PGM5: variants seen among roughly 807,000 people sequenced by gnomAD.
The protein encoded by PGM5 is phosphoglucomutase 5.
PGM5 carries 23 observed loss-of-function variants against 59.2 expected under a neutral mutation model. The ratio of observed to expected loss-of-function variants is 0.39; its 90% CI spans 0.28 to 0.55. The LOEUF (loss-of-function observed/expected upper bound fraction) is 0.55. Among genes scored for constraint, PGM5 ranks in the 20% least tolerant of loss-of-function variants. PGM5 has a pLI of 0.66. For synonymous variants in PGM5, 214 were observed against 286.0 expected, an observed-to-expected ratio of 0.75 and a Z score of 2.54; for missense variants, 574 against 748.3, an observed-to-expected ratio of 0.77 and a Z score of 2.72.
intron 10 of PGM5, among the ~76,000 whole-genome samples, chr9:68,500,562 G>A (rs1438098166): frequency 2.0e-5 from 3 of 152,180 alleles, no homozygotes; most frequent in African/African-American, 7.2e-5. Context: ...TTTCCATGCA[G>A]GGGATGGGAC....
intron 6 of PGM5, among the ~76,000 whole-genome samples, chr9:68,460,645 T>A (rs1823845284): frequency 6.6e-6 from 1 of 152,190 alleles, no homozygotes; most frequent in Admixed American, 6.5e-5. Context: ...TAAAGAAAGC[T>A]ACAAGAGTCA....
intron 6 of PGM5, among the ~76,000 whole-genome samples, chr9:68,438,551 T>TTCA (rs762572661): frequency 1.5e-4 from 23 of 152,266 alleles, no homozygotes; most frequent in East Asian, 1.3e-3. Flanking sequence ...GTAAGCACAC[T>TTCA]TCATCCACGG....
chr9:68,467,666 A>T (rs534848271), intron 7 of PGM5, among the ~76,000 whole-genome samples: 1 of 152,236 alleles, frequency 6.6e-6, no homozygotes, highest in South Asian at 2.1e-4. Context: ...GTCTCTTTTA[A>T]TCTACGTTTC....
intron 6 of PGM5, among the ~76,000 whole-genome samples, chr9:68,420,700 A>G (rs540755691): frequency 6.6e-5 from 10 of 152,214 alleles, no homozygotes; most frequent in African/African-American, 2.4e-4. Context: ...TACTGTGCAC[A>G]CCCATGACCT....
intron 6 of PGM5, among the ~76,000 whole-genome samples, chr9:68,450,162 G>T (rs1823673315): frequency 6.6e-6 from 1 of 152,124 alleles, no homozygotes; most frequent in Non-Finnish European, 1.5e-5. Context: ...ATATACAATT[G>T]CATATGTTAA....
intron 7 of PGM5, among the ~76,000 whole-genome samples, chr9:68,468,658 T>A (rs1321047794): frequency 6.6e-6 from 1 of 152,278 alleles, no homozygotes; most frequent in East Asian, 1.9e-4. Context: ...CTATCCTCAT[T>A]TTCCCCCTCC....
intron 6 of PGM5, among the ~76,000 whole-genome samples, chr9:68,393,472 G>A (rs567808518): frequency 1.1e-4 from 17 of 152,136 alleles, no homozygotes; most frequent in African/African-American, 4.1e-4. Flanking sequence ...TTGGCCGGGC[G>A]TGGCGACTCA....
At chr9:68,434,654 AGTTTGGCTGGGTG>A (rs1823416413) in intron 6 of PGM5, among the ~76,000 whole-genome samples, 1 of 152,134 alleles carries the variant, frequency 6.6e-6, no homozygotes, top group Non-Finnish European at 1.5e-5. Flanking sequence ...AAAAACACAA[AGTTTGGCTGGGTG>A]TGCTGGCAGG....
intron 7 of PGM5, among the ~76,000 whole-genome samples, chr9:68,474,290 T>C (rs557938486): frequency 4.6e-5 from 7 of 152,334 alleles, no homozygotes; most frequent in African/African-American, 1.2e-4. Context: ...GTTTTCCTAA[T>C]TGACAAATTT....
Position 68,387,479 on chromosome 9 carries a change from A to G in PGM5, c.588A>G (p.Pro196=). The G allele has an allele frequency of 1.2e-6, 2 of 1,610,708 alleles. No individual in the cohort carries two copies. The highest frequency in any genetic ancestry group is 2.2e-5 in the East Asian group (1 of 44,828). Residue 196 remains proline, a synonymous_variant, in exon 4 of 11, where the codon CCA becomes CCG. Coordinates refer to ENST00000396396, the MANE Select transcript of PGM5 (RefSeq NM_021965.4). ...TATCTTTAGTGGAGATAGTGGACCC[A>G]GTGGATATCTATCTTAACCTCCTTC... ...FKPFRVEIVD[P]VDIYLNLLRT... is the part of the protein sequence containing the mutation.
chr9:68,516,970 C>T (rs1824833794), intron 10 of PGM5, among the ~76,000 whole-genome samples: 1 of 151,964 alleles, frequency 6.6e-6, no homozygotes, highest in Non-Finnish European at 1.5e-5. Flanking sequence ...CTCCTGGGTT[C>T]AAACAATTCT....
chr9:68,394,183 T>C (rs1411890241), intron 6 of PGM5: 1 of 152,152 alleles, frequency 6.6e-6, no homozygotes, highest in African/African-American at 2.4e-5. Context: ...GTTACATGGA[T>C]GTACACACTT....
chr9:68,458,134 T>G (rs1326242058), intron 6 of PGM5, among the ~76,000 whole-genome samples: 4 of 152,212 alleles, frequency 2.6e-5, no homozygotes, highest in African/African-American at 9.6e-5. Context: ...CCAGATTATT[T>G]AACAGTTGAA....
intron 7 of PGM5, among the ~76,000 whole-genome samples, chr9:68,468,617 C>T (rs1554686043): frequency 1.3e-5 from 2 of 152,112 alleles, no homozygotes; most frequent in African/African-American, 4.8e-5. Context: ...TGCTCAACAC[C>T]ACACCCTTCA....
Position 68,372,242 on chromosome 9 carries a change from G to T in PGM5, c.262-5957G>T, listed in dbSNP as rs184651712. 4.7e-5 allele frequency among the ~76,000 whole-genome samples: 7 copies of T among 149,378 alleles called. No homozygotes were observed. The East Asian group carries it at 1.4e-3, about 29-fold the overall frequency. ...GAAGTCAAAATCAAGGTATCGGCAT[G>T]GCCACACTCTGTAGATGCTCTAGGG... On this transcript the variant is annotated intron_variant, in intron 1 of 10. Coordinates refer to ENST00000396396, the MANE Select transcript of PGM5 (RefSeq NM_021965.4).
At chr9:68,519,538 C>T (rs1375621350) in intron 10 of PGM5, among the ~76,000 whole-genome samples, 1 of 151,214 alleles carries the variant, frequency 6.6e-6, no homozygotes, top group Non-Finnish European at 1.5e-5. Flanking sequence ...GAGAGGAAAA[C>T]ATAGGAACTT....
intron 6 of PGM5, among the ~76,000 whole-genome samples, chr9:68,444,884 G>A (rs755196799): frequency 6.6e-6 from 1 of 152,204 alleles, no homozygotes; most frequent in African/African-American, 2.4e-5. Flanking sequence ...ATGGCAGAAA[G>A]AGCAATAGTT....
chr9:68,445,580 C>G (rs539336632), intron 6 of PGM5, among the ~76,000 whole-genome samples: 153 of 152,320 alleles, frequency 1.0e-3, no homozygotes, highest in African/African-American at 3.6e-3. Flanking sequence ...TGCATTCTCT[C>G]CTTACACTTG....
At chr9:68,396,786 G>T (rs1822516856) in intron 6 of PGM5, 1 of 152,026 alleles carries the variant, frequency 6.6e-6, no homozygotes, top group Non-Finnish European at 1.5e-5. Context: ...CCTTGACAGT[G>T]GTTTCCCATA....
Sources: allele counts gnomAD v4.1 joint callset (sites outside exome capture counted in the v4.1 genomes callset), GRCh38; gene constraint gnomAD v4.1.1; transcripts MANE v1.5; gene names NCBI Gene and HGNC (gene_info 2026-07-23, HGNC 2026-07-21).